TENM2: variants seen among roughly 807,000 people sequenced by gnomAD.
TENM2 encodes teneurin transmembrane protein 2.
A neutral mutation model predicts 245.2 loss-of-function variants in TENM2; 52 were observed. The ratio of observed to expected loss-of-function variants is 0.21; its 90% CI spans 0.17 to 0.27. TENM2 has a LOEUF of 0.27. Among genes scored for constraint, TENM2 ranks in the 10% least tolerant of loss-of-function variants. The probability of loss-of-function intolerance (pLI) is 1.00; values close to 1 mark genes in which losing one functional copy is unlikely to be tolerated. For synonymous variants in TENM2, 1,363 were observed against 1,438.9 expected, an observed-to-expected ratio of 0.95 and a Z score of 1.19; for missense variants, 3,046 against 3,666.8, an observed-to-expected ratio of 0.83 and a Z score of 4.37.
intron 25 of TENM2, among the ~76,000 whole-genome samples, chr5:168,229,408 T>A (rs1764617385): frequency 6.6e-6 from 1 of 152,118 alleles, no homozygotes; most frequent in South Asian, 2.1e-4. Context: ...ACCATCATGC[T>A]AACCCCTTCC....
chr5:167,586,342 G>A (rs1440197224), intron 2 of TENM2, among the ~76,000 whole-genome samples: 1 of 152,166 alleles, frequency 6.6e-6, no homozygotes, highest in Non-Finnish European at 1.5e-5. Flanking sequence ...CATCTATGGG[G>A]GTCCTGGAAC....
intron 5 of TENM2, among the ~76,000 whole-genome samples, chr5:168,023,512 G>A (rs1034463085): frequency 7.9e-5 from 12 of 152,260 alleles, no homozygotes; most frequent in Admixed American, 2.0e-4. Context: ...CTGCCCAGGC[G>A]GGGATGCGGG....
intron 12 of TENM2, among the ~76,000 whole-genome samples, chr5:168,130,714 A>G (rs898460881): frequency 6.6e-6 from 1 of 152,100 alleles, no homozygotes; most frequent in African/African-American, 2.4e-5. Flanking sequence ...CCTGACCAAC[A>G]TGGTGAAACC....
At chr5:167,715,712 C>A (rs1015584237) in intron 2 of TENM2, among the ~76,000 whole-genome samples, 1 of 152,092 alleles carries the variant, frequency 6.6e-6, no homozygotes. Context: ...TCTTTAGAGT[C>A]AAAATGACAG....
At chr5:167,859,897 CGGGAGGGAGG>C (rs1771558825) in intron 2 of TENM2, among the ~76,000 whole-genome samples, 3 of 18,718 alleles carry the variant, frequency 1.6e-4, no homozygotes, top group Admixed American at 4.9e-4. Flanking sequence ...CCGCCCCGTC[CGGGAGGGAGG>C]TGGGGGGGTC....
At chr5:167,224,002 T>G in the TENM2 span, among the ~76,000 whole-genome samples, 1 of 152,202 alleles carries the variant, frequency 6.6e-6, no homozygotes, top group East Asian at 1.9e-4. Context: ...TTGAGAAATG[T>G]CTATCATGTT....
At chr5:167,543,099 A>G (rs968450799) in intron 2 of TENM2, among the ~76,000 whole-genome samples, 2 of 152,198 alleles carry the variant, frequency 1.3e-5, no homozygotes, top group East Asian at 1.9e-4. Flanking sequence ...GGTGGAGCCC[A>G]GGAATCTGCT....
At chr5:167,738,468 G>A (rs1459501022) in intron 2 of TENM2, among the ~76,000 whole-genome samples, 2 of 152,156 alleles carry the variant, frequency 1.3e-5, no homozygotes, top group Admixed American at 6.5e-5. Flanking sequence ...TGTCCCCCTT[G>A]CAAAACTGTA....
the TENM2 span, among the ~76,000 whole-genome samples, chr5:167,226,401 C>T: frequency 6.6e-6 from 1 of 151,870 alleles, no homozygotes; most frequent in African/African-American, 2.4e-5. Flanking sequence ...TTTTCATTGA[C>T]CAAACAGTTA....
At chr5:168,004,517 G>GCGCGCGCGCACACACACACACA (rs898616203) in intron 5 of TENM2, among the ~76,000 whole-genome samples, 1 of 132,152 alleles carries the variant, frequency 7.6e-6, no homozygotes, top group African/African-American at 3.0e-5. Context: ...GCGCGCGCGC[G>GCGCGCGCGCACACACACACACA]CACACACACA....
chr5:166,984,167 G>A, the TENM2 span, among the ~76,000 whole-genome samples: 3 of 152,040 alleles, frequency 2.0e-5, no homozygotes, highest in Non-Finnish European at 4.4e-5. Context: ...TATGTACCTT[G>A]TAAAATAAAG....
intron 2 of TENM2, among the ~76,000 whole-genome samples, chr5:167,489,363 A>G (rs1582186333): frequency 6.6e-6 from 1 of 152,144 alleles, no homozygotes; most frequent in Admixed American, 6.5e-5. Flanking sequence ...ATCCCCAGGC[A>G]TGTCATCATC....
the TENM2 span, among the ~76,000 whole-genome samples, chr5:167,077,041 G>C: frequency 6.6e-6 from 1 of 152,106 alleles, no homozygotes; most frequent in Non-Finnish European, 1.5e-5. Context: ...GGCCAGGCTG[G>C]TCTCGAACTC....
the TENM2 span, among the ~76,000 whole-genome samples, chr5:167,264,316 A>G: frequency 2.6e-5 from 4 of 152,132 alleles, no homozygotes; most frequent in Non-Finnish European, 5.9e-5. Context: ...GTGAACTGAT[A>G]CTGCTCACCC....
intron 2 of TENM2, among the ~76,000 whole-genome samples, chr5:167,603,302 G>A (rs1278322935): frequency 1.3e-5 from 2 of 152,162 alleles, no homozygotes; most frequent in Admixed American, 1.3e-4. Context: ...CTATTTGGGA[G>A]GAAATCCGTG....
chr5:167,694,050 A>T (rs1419296748), intron 2 of TENM2, among the ~76,000 whole-genome samples: 1 of 152,240 alleles, frequency 6.6e-6, no homozygotes, highest in Non-Finnish European at 1.5e-5. Context: ...GAAAGGCACC[A>T]GAAATCTCAA....
chr5:168,068,092 G>A (rs1226246471), intron 7 of TENM2, among the ~76,000 whole-genome samples: 2 of 152,098 alleles, frequency 1.3e-5, no homozygotes, highest in Non-Finnish European at 2.9e-5. Flanking sequence ...CATCCTAACA[G>A]GAGACAGGAA....
At chr5:167,922,953 T>G (rs2151645997) in intron 3 of TENM2, among the ~76,000 whole-genome samples, 1 of 152,328 alleles carries the variant, frequency 6.6e-6, no homozygotes, top group African/African-American at 2.4e-5. Flanking sequence ...GCCGAAAACC[T>G]GAACTTTCAA....
At chr5:167,972,844 C>T (rs932682933) in intron 4 of TENM2, among the ~76,000 whole-genome samples, 4 of 152,062 alleles carry the variant, frequency 2.6e-5, no homozygotes, top group Admixed American at 1.3e-4. Context: ...GCCAATACCT[C>T]TTCTTAATGC....
Sources: allele counts gnomAD v4.1 joint callset (sites outside exome capture counted in the v4.1 genomes callset), GRCh38; gene constraint gnomAD v4.1.1; transcripts MANE v1.5; gene names NCBI Gene and HGNC (gene_info 2026-07-23, HGNC 2026-07-21).